TAS1R2: variants seen among roughly 807,000 people sequenced by gnomAD.
TAS1R2 encodes taste 1 receptor member 2, also known as taste receptor type 1 member 2.
A neutral mutation model predicts 49.3 loss-of-function variants in TAS1R2; 47 were observed. That is an observed-to-expected ratio of 0.95 (90% CI 0.75 to 1.22). The LOEUF (loss-of-function observed/expected upper bound fraction) is 1.22. Among genes scored for constraint, TAS1R2 ranks in the 50% most tolerant of loss-of-function variants. The pLI, the probability that TAS1R2 is intolerant of heterozygous loss-of-function variation, is 0.00. For missense variants in TAS1R2, 1,155 were observed against 1,122.1 expected, an observed-to-expected ratio of 1.03 and a Z score of -0.42; for synonymous variants, 479 against 467.9, an observed-to-expected ratio of 1.02 and a Z score of -0.31.
At chr1:18,847,088 T>G (rs1933935366) in intron 4 of TAS1R2, among the ~76,000 whole-genome samples, 3 of 152,238 alleles carry the variant, frequency 2.0e-5, no homozygotes, top group African/African-American at 7.2e-5. Context: ...AGCATCATGC[T>G]TCCTGTACAG....
At chr1:18,855,087 C>G (rs1934115960) in intron 2 of TAS1R2, 101 bp from the exon 3 acceptor site, 1 of 1,438,056 alleles carries the variant, frequency 7.0e-7, no homozygotes, top group Non-Finnish European at 9.4e-7. Context: ...GCACCTAGTG[C>G]AAGCCACCCC....
At chr1:18,852,545 GC>G (rs1934049863) in intron 3 of TAS1R2, among the ~76,000 whole-genome samples, 1 of 152,174 alleles carries the variant, frequency 6.6e-6, no homozygotes, top group African/African-American at 2.4e-5. Flanking sequence ...ATCATCCCCA[GC>G]CCTAAATTGG....
At position 18,854,900 on chromosome 1, in the gene TAS1R2, G is replaced by T; in HGVS notation, c.570C>A (p.His190Gln). The change falls in exon 3 of 6, where the codon CAC (histidine) becomes CAA (glutamine). Residue 190 changes from histidine (H) to glutamine (Q), a missense_variant. Transcript: ENST00000375371. The surrounding 1 kb of genome is among the most constrained non-coding windows in gnomAD (Gnocchi z 4.9). ...GCATCAGCTGCACCATGGCCTCGAT[G>T]TGGTGGTCGGCGCTGGGTGTGGTAC... 6.2e-7 allele frequency: 1 copy of T among 1,613,294 alleles called. No individual in the cohort carries two copies. The highest frequency in any genetic ancestry group is 1.1e-5 in the South Asian group (1 of 91,088).
At chr1:18,853,110 G>C (rs1264339115) in intron 3 of TAS1R2, among the ~76,000 whole-genome samples, 1 of 152,188 alleles carries the variant, frequency 6.6e-6, no homozygotes, top group Non-Finnish European at 1.5e-5. Flanking sequence ...CCAGACCTGG[G>C]TTCAAAAGCA....
Position 18,854,549 on chromosome 1 carries a change from G to T in TAS1R2, c.921C>A (p.Asp307Glu). The change falls in exon 3 of 6, where the codon GAC becomes GAA. Residue 307 changes from aspartate (D) to glutamate (E), a missense_variant. Asp to Glu is a conservative substitution (Grantham distance 45). Coordinates refer to ENST00000375371, the Ensembl canonical transcript of TAS1R2. The surrounding 1 kb of genome is among the most constrained non-coding windows in gnomAD (Gnocchi z 4.9). ...GCTCCGTGAGGTTGTGCAGGACCGG[G>T]TCGATGGCCCAGGACTCGGAGGCGA... The T allele has an allele frequency of 6.2e-7, 1 of 1,613,636 alleles. No homozygotes were observed. Among genetic ancestry groups the T allele is most frequent in the African/African-American group, 1.3e-5 (1 of 74,956 alleles).
chr1:18,848,619 T>C (rs1388991961), intron 4 of TAS1R2, among the ~76,000 whole-genome samples: 2 of 152,136 alleles, frequency 1.3e-5, no homozygotes, highest in African/African-American at 4.8e-5. Context: ...TTCATCTGTA[T>C]TTACAACTGC....
chr1:18,840,606 G>C (rs1249826562), intron 5 of TAS1R2, 79 bp from the exon 6 acceptor site: 11 of 1,503,614 alleles, frequency 7.3e-6, no homozygotes, highest in Admixed American at 1.8e-5. Flanking sequence ...CACAGGGCCA[G>C]GCTCCAGGGA....
intron 3 of TAS1R2, among the ~76,000 whole-genome samples, chr1:18,849,775 T>G (rs1368317989): frequency 6.6e-6 from 1 of 152,240 alleles, no homozygotes; most frequent in Non-Finnish European, 1.5e-5. Context: ...CCCCTTGCTG[T>G]GAGGCCTTGG....
At chr1:18,846,700 G>A (rs1447983378) in intron 4 of TAS1R2, among the ~76,000 whole-genome samples, 1 of 152,182 alleles carries the variant, frequency 6.6e-6, no homozygotes, top group Non-Finnish European at 1.5e-5. Context: ...TATGAGTGAT[G>A]TTCTCATAAA....
chr1:18,849,302 C>T (rs1331595058), intron 4 of TAS1R2, 39 bp downstream of exon 4: 30 of 1,608,094 alleles, frequency 1.9e-5, no homozygotes, highest in Admixed American at 6.7e-5. Flanking sequence ...CCCCAGGCCC[C>T]GCCCCAGGCC....
chr1:18,851,447 A>G (rs1199969347), intron 3 of TAS1R2, among the ~76,000 whole-genome samples: 1 of 152,088 alleles, frequency 6.6e-6, no homozygotes, highest in African/African-American at 2.4e-5. Context: ...CTCCTGCCTC[A>G]GCCTCCTGAG....
At position 18,854,546 on chromosome 1, in the gene TAS1R2, C is replaced by G. The variant is rs1399645112; in HGVS notation, c.924G>C (p.Pro308=). 2 of 1,613,738 alleles carry G rather than the reference C, an allele frequency of 1.2e-6. No homozygotes were observed. The highest frequency in any genetic ancestry group is 1.1e-5 in the South Asian group (1 of 91,070). ...GCAGCTCCGTGAGGTTGTGCAGGACCGGGTCGATGGCCCAGGACTCGGAGG... is the reference window on the plus strand; with the variant it reads ...GCAGCTCCGTGAGGTTGTGCAGGACGGGGTCGATGGCCCAGGACTCGGAGG... The change falls in exon 3 of 6, where the codon CCG becomes CCC. Residue 308 remains proline, a synonymous_variant. Coordinates refer to ENST00000375371, the Ensembl canonical transcript of TAS1R2. This position sits in a 1 kb window ranked among gnomAD's most constrained non-coding sequence, Gnocchi z 4.9.
At chr1:18,850,441 C>T (rs1202000250) in intron 3 of TAS1R2, among the ~76,000 whole-genome samples, 1 of 152,236 alleles carries the variant, frequency 6.6e-6, no homozygotes, top group Non-Finnish European at 1.5e-5. Context: ...CCTTCCCTGC[C>T]TAGCACGTGA....
intron 3 of TAS1R2, among the ~76,000 whole-genome samples, chr1:18,851,804 G>T (rs564805743): frequency 6.6e-6 from 1 of 152,152 alleles, no homozygotes; most frequent in South Asian, 2.1e-4. Flanking sequence ...CTCTCATGGG[G>T]TGCCCATCCC....
chr1:18,842,367 G>T (rs1008282948), intron 4 of TAS1R2, among the ~76,000 whole-genome samples: 45 of 152,082 alleles, frequency 3.0e-4, no homozygotes, highest in African/African-American at 1.0e-3. Context: ...CATTTAAGAA[G>T]GAATATCTAG....
intron 3 of TAS1R2, among the ~76,000 whole-genome samples, chr1:18,853,907 G>A (rs758852333): frequency 5.9e-5 from 9 of 152,266 alleles, no homozygotes; most frequent in South Asian, 2.1e-4. Flanking sequence ...GAGGGTCCAC[G>A]CGAAAACACA....
chr1:18,849,559 G>A lies in TAS1R2; in HGVS notation c.1258-9C>T. On this transcript the variant is annotated splice_polypyrimidine_tract_variant and intron_variant, in intron 3 of 5. Coordinates refer to ENST00000375371, the Ensembl canonical transcript of TAS1R2. Reference sequence around the variant, plus strand: ...CAGATCTCCTCAAGCAGCTGGCGGGGTCAGAGGGAAGGGAAGTGGAGCTAG... The same window carrying A: ...CAGATCTCCTCAAGCAGCTGGCGGGATCAGAGGGAAGGGAAGTGGAGCTAG... 1 of 1,613,910 alleles carries A rather than the reference G, an allele frequency of 6.2e-7. No individual in the cohort carries two copies. Among genetic ancestry groups the A allele is most frequent in the Non-Finnish European group, 8.5e-7 (1 of 1,179,862 alleles).
chr1:18,841,982 T>TAAAAAA, intron 4 of TAS1R2, 130 bp from the exon 5 acceptor site: 1 of 521,034 alleles, frequency 1.9e-6, no homozygotes, highest in Non-Finnish European at 2.6e-6. Context: ...GTGGAAACTG[T>TAAAAAA]AGAAAAAAAA....
intron 3 of TAS1R2, among the ~76,000 whole-genome samples, chr1:18,851,384 G>T (rs1934021916): frequency 6.6e-6 from 1 of 152,112 alleles, no homozygotes; most frequent in South Asian, 2.1e-4. Flanking sequence ...CTGGAGTGCA[G>T]AGGTGCGATC....
Sources: allele counts gnomAD v4.1 joint callset (sites outside exome capture counted in the v4.1 genomes callset), GRCh38; gene constraint gnomAD v4.1.1; non-coding constraint Gnocchi (gnomAD v3.1); transcripts MANE v1.5; gene names NCBI Gene and HGNC (gene_info 2026-07-23, HGNC 2026-07-21).